The following SORCS1 variants were observed in gnomAD, a reference collection of about 807,000 sequenced individuals.
The protein encoded by SORCS1 is VPS10 domain-containing receptor SorCS1.
A neutral mutation model predicts 146.1 loss-of-function variants in SORCS1; 60 were observed. The ratio of observed to expected loss-of-function variants is 0.41; its 90% CI spans 0.33 to 0.51. The LOEUF (loss-of-function observed/expected upper bound fraction) is 0.51, where lower values mean the gene tolerates loss of function less well. Among genes scored for constraint, SORCS1 ranks in the 20% least tolerant of loss-of-function variants. The pLI, the probability that SORCS1 is intolerant of heterozygous loss-of-function variation, is 0.21. For missense variants in SORCS1, 1,352 were observed against 1,487.6 expected, an observed-to-expected ratio of 0.91 and a Z score of 1.50; for synonymous variants, 637 against 584.0, an observed-to-expected ratio of 1.09 and a Z score of -1.31.
At position 107,062,744 on chromosome 10, in the gene SORCS1, T is replaced by C. The variant is rs185956243; in HGVS notation, c.558+101225A>G. On this transcript the variant is annotated intron_variant, in intron 1 of 25. Transcript: ENST00000263054. The stretch of plus-strand genomic sequence containing the variant: ...ATGCCTCTATTACCTCCTTTCCTCT[T>C]ACGTCAGTATCTCTTTTCTCTCCAA... Among the ~76,000 whole-genome samples the C allele has an allele frequency of 5.9e-3, 900 of 152,216 alleles. 19 individuals carry two copies. Among genetic ancestry groups the C allele is most frequent in the Admixed American group, 0.05 (766 of 15,288 alleles).
At chr10:107,138,553 G>C (rs1020475913) in intron 1 of SORCS1, among the ~76,000 whole-genome samples, 2 of 152,138 alleles carry the variant, frequency 1.3e-5, no homozygotes, top group Non-Finnish European at 2.9e-5. Context: ...GTCTAAGATA[G>C]GCAGACAGAG....
intron 1 of SORCS1, among the ~76,000 whole-genome samples, chr10:107,119,134 T>A (rs1445830270): frequency 6.6e-6 from 1 of 152,144 alleles, no homozygotes; most frequent in East Asian, 1.9e-4. Context: ...TAGCTGAAAC[T>A]GGTAATATAG....
intron 2 of SORCS1, among the ~76,000 whole-genome samples, chr10:106,923,960 T>G (rs934907190): frequency 2.6e-5 from 4 of 152,184 alleles, no homozygotes; most frequent in Non-Finnish European, 5.9e-5. Flanking sequence ...GATAAATGGC[T>G]TTAAAATAAT....
intron 9 of SORCS1, among the ~76,000 whole-genome samples, chr10:106,691,362 T>C (rs889853456): frequency 2.6e-5 from 4 of 152,238 alleles, no homozygotes; most frequent in Non-Finnish European, 5.9e-5. Flanking sequence ...TTCTGAATTC[T>C]GCATAAAGAT....
intron 1 of SORCS1, among the ~76,000 whole-genome samples, chr10:106,978,186 C>T (rs1190915716): frequency 6.6e-6 from 1 of 152,146 alleles, no homozygotes; most frequent in African/African-American, 2.4e-5. Context: ...CTCAGGTTAT[C>T]CACCCACCTC....
chr10:106,738,574 C>A (rs992486890), intron 5 of SORCS1, among the ~76,000 whole-genome samples: 1 of 152,168 alleles, frequency 6.6e-6, no homozygotes, highest in African/African-American at 2.4e-5. Flanking sequence ...GGAGATCCTG[C>A]GTGGGGCCAG....
At chr10:106,858,746 C>A (rs975932825) in intron 2 of SORCS1, among the ~76,000 whole-genome samples, 6 of 152,008 alleles carry the variant, frequency 3.9e-5, no homozygotes, top group African/African-American at 1.2e-4. Flanking sequence ...AAGTAACTTA[C>A]ATTGGCCCTG....
chr10:106,892,154 G>A (rs914560761), intron 2 of SORCS1, among the ~76,000 whole-genome samples: 3 of 152,166 alleles, frequency 2.0e-5, no homozygotes, highest in Non-Finnish European at 4.4e-5. Context: ...ATGTGAAATT[G>A]AATGAAATGG....
At chr10:106,990,600 T>A (rs1956727172) in intron 1 of SORCS1, among the ~76,000 whole-genome samples, 1 of 152,170 alleles carries the variant, frequency 6.6e-6, no homozygotes, top group African/African-American at 2.4e-5. Flanking sequence ...CGAATGCTGG[T>A]CCTTTTGTCA....
At chr10:106,781,958 C>A (rs1031256542) in intron 3 of SORCS1, among the ~76,000 whole-genome samples, 3 of 150,540 alleles carry the variant, frequency 2.0e-5, no homozygotes, top group Non-Finnish European at 4.4e-5. Flanking sequence ...CAAGCACACA[C>A]TGATAGAAAT....
intron 2 of SORCS1, among the ~76,000 whole-genome samples, chr10:106,870,710 T>C (rs1950375418): frequency 6.6e-6 from 1 of 152,128 alleles, no homozygotes. Flanking sequence ...AAGACTTAAA[T>C]GAACAACTCG....
At chr10:106,773,475 C>T (rs1047689513) in intron 4 of SORCS1, among the ~76,000 whole-genome samples, 21 of 152,208 alleles carry the variant, frequency 1.4e-4, no homozygotes, top group Admixed American at 1.2e-3. Flanking sequence ...GCCCCACTCC[C>T]TATTCTGTGA....
At chr10:106,876,099 T>C (rs1247494634) in intron 2 of SORCS1, among the ~76,000 whole-genome samples, 1 of 152,222 alleles carries the variant, frequency 6.6e-6, no homozygotes, top group Admixed American at 6.5e-5. Flanking sequence ...AAGCTCTTCT[T>C]CAGCATAATT....
At chr10:106,886,429 G>A (rs1951006658) in intron 2 of SORCS1, among the ~76,000 whole-genome samples, 1 of 150,940 alleles carries the variant, frequency 6.6e-6, no homozygotes, top group African/African-American at 2.5e-5. Context: ...GTAATTCTTA[G>A]TAATTCTTAG....
chr10:106,829,713 T>A (rs749147129), intron 2 of SORCS1, 40 bp from the exon 3 acceptor site: 79 of 1,510,550 alleles, frequency 5.2e-5, no homozygotes, highest in Admixed American at 1.7e-4. Context: ...CAGAAGTATA[T>A]GTCATTTGGC....
In SORCS1 at chr10:106,896,752, A is replaced by G. The variant is rs147848898; in HGVS notation, c.626+59761T>C. ...CAACTAAAGCACCAACCCATAACAT[A>G]TTACAAATATTAACACTTTATATAA... On this transcript the variant is annotated intron_variant, in intron 2 of 25. Transcript: ENST00000263054. Among the ~76,000 whole-genome samples, 11 of 151,932 alleles carry G rather than the reference A, an allele frequency of 7.2e-5. No homozygotes were observed. The East Asian group carries it at 2.1e-3, about 29-fold the overall frequency.
At chr10:106,906,603 G>C (rs772465478) in intron 2 of SORCS1, among the ~76,000 whole-genome samples, 1 of 152,114 alleles carries the variant, frequency 6.6e-6, no homozygotes, top group Non-Finnish European at 1.5e-5. Context: ...GAATAGCACA[G>C]GAAAGACTGG....
chr10:107,037,353 AGTGT>A (rs1297101279), intron 1 of SORCS1, among the ~76,000 whole-genome samples: 1 of 152,210 alleles, frequency 6.6e-6, no homozygotes, highest in Non-Finnish European at 1.5e-5. Context: ...CTGGCTGTGA[AGTGT>A]GTGAGGGCAG....
At chr10:106,946,232 T>C (rs1589762896) in intron 2 of SORCS1, among the ~76,000 whole-genome samples, 2 of 152,352 alleles carry the variant, frequency 1.3e-5, no homozygotes, top group Middle Eastern at 6.8e-3. Flanking sequence ...AAGCATTTAA[T>C]GATACTTAAT....
Sources: gnomAD v4.1 joint callset for allele counts (sites outside exome capture counted in the v4.1 genomes callset) on GRCh38, gnomAD v4.1.1 for gene constraint, MANE v1.5 for transcripts, NCBI Gene and HGNC (gene_info 2026-07-23, HGNC 2026-07-21) for gene names.